Variants in SNX29 observed in about 807,000 individuals in gnomAD.
SNX29 encodes sorting nexin 29.
SNX29 carries 78 observed loss-of-function variants against 102.1 expected under a neutral mutation model. The ratio of observed to expected loss-of-function variants is 0.76; its 90% CI spans 0.64 to 0.92. The LOEUF is 0.92. SNX29 is among the 40% of genes least tolerant of loss of function. SNX29 has a pLI of 0.00. For synonymous variants in SNX29, 580 were observed against 414.5 expected, an observed-to-expected ratio of 1.40 and a Z score of -4.85; for missense variants, 1,280 against 1,061.7, an observed-to-expected ratio of 1.21 and a Z score of -2.86.
At chr16:12,151,461 T>A (rs1474011326) in intron 13 of SNX29, among the ~76,000 whole-genome samples, 1 of 152,200 alleles carries the variant, frequency 6.6e-6, no homozygotes, top group Non-Finnish European at 1.5e-5. Flanking sequence ...CACTCCACTG[T>A]ACTCAGAAAA....
chr16:12,221,857 C>T (rs1182783171), intron 14 of SNX29, among the ~76,000 whole-genome samples: 2 of 152,170 alleles, frequency 1.3e-5, no homozygotes, highest in African/African-American at 2.4e-5. Context: ...CCCGTGCTTC[C>T]TTGGGTGCAC....
chr16:12,481,899 C>T (rs555256416), intron 19 of SNX29, among the ~76,000 whole-genome samples: 9 of 152,280 alleles, frequency 5.9e-5, no homozygotes, highest in African/African-American at 2.2e-4. Flanking sequence ...CTAAGACATA[C>T]CCACTTCCCT....
chr16:12,530,588 T>C (rs1294106421), intron 20 of SNX29, among the ~76,000 whole-genome samples: 1 of 151,786 alleles, frequency 6.6e-6, no homozygotes, highest in Non-Finnish European at 1.5e-5. Context: ...ACAGTTGCGC[T>C]CTTGTCGCCC....
chr16:12,385,779 C>G (rs2083319274), intron 16 of SNX29, among the ~76,000 whole-genome samples: 1 of 152,194 alleles, frequency 6.6e-6, no homozygotes. Context: ...CTTCCTTTTT[C>G]AAGTAACTCT....
At chr16:12,558,658 C>T (rs1405954441) in intron 20 of SNX29, among the ~76,000 whole-genome samples, 1 of 152,224 alleles carries the variant, frequency 6.6e-6, no homozygotes, top group African/African-American at 2.4e-5. Context: ...CCATCCCACC[C>T]AATCCTGCTG....
chr16:12,356,415 G>T (rs554702435), intron 16 of SNX29, 136 bp downstream of exon 16: 349 of 689,936 alleles, frequency 5.1e-4, no homozygotes, highest in African/African-American at 4.5e-3. Context: ...TGCCACATTT[G>T]CTTTTTATTT....
At chr16:12,332,189 A>C (rs370833625) in intron 15 of SNX29, among the ~76,000 whole-genome samples, 20 of 152,276 alleles carry the variant, frequency 1.3e-4, no homozygotes, top group African/African-American at 4.8e-4. Context: ...AGGGAAAATG[A>C]ACTTTCACCT....
At chr16:12,181,825 G>T (rs2076391837) in intron 13 of SNX29, among the ~76,000 whole-genome samples, 1 of 151,550 alleles carries the variant, frequency 6.6e-6, no homozygotes, top group Non-Finnish European at 1.5e-5. Flanking sequence ...ATATTTTGGG[G>T]TTTATGGGGG....
At chr16:12,315,901 G>A (rs1048026577) in intron 15 of SNX29, among the ~76,000 whole-genome samples, 1 of 152,202 alleles carries the variant, frequency 6.6e-6, no homozygotes, top group Non-Finnish European at 1.5e-5. Context: ...CTGGGTCAGG[G>A]GCTGGAGATG....
At chr16:12,342,263 G>T (rs1359395068) in intron 15 of SNX29, among the ~76,000 whole-genome samples, 1 of 152,222 alleles carries the variant, frequency 6.6e-6, no homozygotes, top group Non-Finnish European at 1.5e-5. Context: ...ACAGATGTCT[G>T]CTGCATGCCT....
chr16:12,123,176 C>T (rs1284780858), intron 11 of SNX29, among the ~76,000 whole-genome samples: 2 of 152,148 alleles, frequency 1.3e-5, no homozygotes, highest in African/African-American at 2.4e-5. Flanking sequence ...GTATTCAGGG[C>T]ATACAACATG....
At chr16:12,362,528 T>G (rs971541492) in intron 16 of SNX29, among the ~76,000 whole-genome samples, 30 of 146,196 alleles carry the variant, frequency 2.1e-4, no homozygotes, top group Non-Finnish European at 2.4e-4. Context: ...ACAACTGAGT[T>G]GCAGAAGGAT....
intron 20 of SNX29, among the ~76,000 whole-genome samples, chr16:12,542,920 C>T (rs139293953): frequency 1.3e-5 from 2 of 152,214 alleles, no homozygotes; most frequent in South Asian, 4.2e-4. Flanking sequence ...CTTTGCTTAG[C>T]AAAACTATAG....
At chr16:12,013,950 C>T (rs2056764054) in intron 3 of SNX29, among the ~76,000 whole-genome samples, 1 of 151,832 alleles carries the variant, frequency 6.6e-6, no homozygotes, top group African/African-American at 2.4e-5. Flanking sequence ...CGTGCCTGGC[C>T]TTTATTTTTA....
In SNX29 at chr16:12,249,918, T is replaced by A. The variant is rs936250740; in HGVS notation, c.1679-28015T>A. 2.6e-5 allele frequency among the ~76,000 whole-genome samples: 4 copies of A among 152,316 alleles called. No homozygotes were observed. In the East Asian group the frequency reaches 7.7e-4, roughly 29 times the overall value. On this transcript the variant is annotated intron_variant, in intron 14 of 20. Coordinates refer to ENST00000566228, the MANE Select transcript of SNX29 (RefSeq NM_032167.5). ...GTTAAACACCTGCAGGTCCCAGCCCTCTGCTAGGTTCTGTGATACAGGAGA... is the reference window on the plus strand; with the variant it reads ...GTTAAACACCTGCAGGTCCCAGCCCACTGCTAGGTTCTGTGATACAGGAGA...
chr16:12,132,307 C>T (rs2054498994), intron 13 of SNX29, among the ~76,000 whole-genome samples: 1 of 152,134 alleles, frequency 6.6e-6, no homozygotes, highest in Admixed American at 6.5e-5. Flanking sequence ...ACTATGTTGG[C>T]CAGGCTGGTC....
At chr16:12,313,661 C>G (rs1047596727) in intron 15 of SNX29, among the ~76,000 whole-genome samples, 1 of 152,246 alleles carries the variant, frequency 6.6e-6, no homozygotes, top group African/African-American at 2.4e-5. Flanking sequence ...GCAGCTGACT[C>G]AGGGCCCCAT....
At chr16:12,049,427 G>A (rs1325126683) in intron 7 of SNX29, among the ~76,000 whole-genome samples, 2 of 152,108 alleles carry the variant, frequency 1.3e-5, no homozygotes, top group South Asian at 2.1e-4. Context: ...CCACTTCCCG[G>A]GTTCAAGCAA....
intron 16 of SNX29, among the ~76,000 whole-genome samples, chr16:12,387,599 C>T (rs2083383451): frequency 1.3e-5 from 2 of 152,186 alleles, no homozygotes. Flanking sequence ...CAGCAGGATG[C>T]TGGGCATTTT....
Sources: gnomAD v4.1 joint callset for allele counts (sites outside exome capture counted in the v4.1 genomes callset) on GRCh38, gnomAD v4.1.1 for gene constraint, MANE v1.5 for transcripts, NCBI Gene and HGNC (gene_info 2026-07-23, HGNC 2026-07-21) for gene names.